DLG1: variants seen among roughly 807,000 people sequenced by gnomAD.
The protein encoded by DLG1 is discs large MAGUK scaffold protein 1.
DLG1 carries 42 observed loss-of-function variants against 123.4 expected under a neutral mutation model. The ratio of observed to expected loss-of-function variants is 0.34; its 90% CI spans 0.27 to 0.44. DLG1 has a LOEUF of 0.44. Among genes scored for constraint, DLG1 ranks in the 20% least tolerant of loss-of-function variants. The probability of loss-of-function intolerance (pLI) is 1.00; values close to 1 mark genes in which losing one functional copy is unlikely to be tolerated. For missense variants in DLG1, 942 were observed against 1,082.6 expected (o/e 0.87, Z 1.82); for synonymous variants, 317 against 356.2 (o/e 0.89, Z 1.24).
chr3:197,276,485 A>AAT (rs1175337585), intron 4 of DLG1, among the ~76,000 whole-genome samples: 1 of 152,178 alleles, frequency 6.6e-6, no homozygotes, highest in Admixed American at 6.5e-5. Flanking sequence ...CTGTCAATGT[A>AAT]ATTTGCATTT....
chr3:197,050,373 A>C lies in DLG1; in HGVS notation c.2575+1204T>G, dbSNP rs538409246. On this transcript the variant is annotated intron_variant, in intron 24 of 24. Coordinates refer to ENST00000667157, the MANE Select transcript of DLG1 (RefSeq NM_001366207.1). The stretch of plus-strand genomic sequence containing the variant: ...CAGAGCCAGACTCCATTTCAAAAAA[A>C]AACAACAACAAAAAAAACCCCCAAA... Among the ~76,000 whole-genome samples the C allele has an allele frequency of 9.9e-4, 151 of 152,078 alleles. 1 individual carries two copies. Among genetic ancestry groups the C allele is most frequent in the African/African-American group, 1.4e-3 (57 of 41,510 alleles).
intron 5 of DLG1, among the ~76,000 whole-genome samples, chr3:197,152,240 T>C (rs528467004): frequency 1.8e-4 from 28 of 152,152 alleles, no homozygotes; most frequent in African/African-American, 6.5e-4. Flanking sequence ...GAGGGAGGTA[T>C]AGAGAGACCT....
chr3:197,144,516 T>C (rs1019307217), intron 6 of DLG1, among the ~76,000 whole-genome samples: 5 of 152,226 alleles, frequency 3.3e-5, no homozygotes, highest in African/African-American at 4.8e-5. Context: ...AAATGAACTG[T>C]TGTTCTTTTA....
chr3:197,267,016 C>T (rs542983716), intron 4 of DLG1, among the ~76,000 whole-genome samples: 2 of 152,262 alleles, frequency 1.3e-5, no homozygotes, highest in Admixed American at 6.5e-5. Context: ...ATAAACAGTA[C>T]ATGTGAGTGA....
chr3:197,235,927 C>T (rs1745721794), intron 4 of DLG1, among the ~76,000 whole-genome samples: 1 of 152,084 alleles, frequency 6.6e-6, no homozygotes, highest in South Asian at 2.1e-4. Context: ...AGAAATGGAA[C>T]CAATAAAAAC....
chr3:197,236,376 A>G (rs941395345), intron 4 of DLG1, among the ~76,000 whole-genome samples: 2 of 152,192 alleles, frequency 1.3e-5, no homozygotes, highest in Non-Finnish European at 2.9e-5. Context: ...GAGAGAATTC[A>G]TCACCAGAAG....
chr3:197,131,923 TTC>T (rs1407627522), intron 10 of DLG1, among the ~76,000 whole-genome samples: 1 of 152,164 alleles, frequency 6.6e-6, no homozygotes, highest in East Asian at 1.9e-4. Context: ...GATTTTCTTT[TTC>T]TTTTTCTTTT....
intron 2 of DLG1, 97 bp from the exon 3 acceptor site, chr3:197,296,574 C>A (rs3852013): frequency 0.12 from 133,259 of 1,125,904 alleles, 8,942 homozygotes; most frequent in Non-Finnish European, 0.14. Context: ...TAAATAGTTC[C>A]GCAAATCCTT....
chr3:197,044,765 A>T, intron 24 of DLG1, 36 bp from the exon 25 acceptor site: 1 of 1,337,272 alleles, frequency 7.5e-7, no homozygotes, highest in Non-Finnish European at 1.0e-6. Flanking sequence ...AATCTCCATT[A>T]ATTGTCTATT....
intron 4 of DLG1, among the ~76,000 whole-genome samples, chr3:197,213,484 T>C (rs925678595): frequency 9.2e-5 from 14 of 152,174 alleles, no homozygotes; most frequent in Admixed American, 1.3e-4. Flanking sequence ...ATGGAAATGG[T>C]TTCACAGGGG....
intron 4 of DLG1, among the ~76,000 whole-genome samples, chr3:197,268,302 T>C (rs1762526127): frequency 6.6e-6 from 1 of 152,242 alleles, no homozygotes; most frequent in Non-Finnish European, 1.5e-5. Flanking sequence ...CAATGTGACA[T>C]ACTTAAGCTT....
chr3:197,220,235 A>G (rs79991926), intron 4 of DLG1, among the ~76,000 whole-genome samples: 6,433 of 152,310 alleles, frequency 0.042, 181 homozygotes, highest in Non-Finnish European at 0.063. Context: ...AGAAAGACAC[A>G]TACCCTATTT....
intron 11 of DLG1, among the ~76,000 whole-genome samples, chr3:197,127,461 TATATATATA>T (rs1780179619): frequency 6.6e-5 from 1 of 15,038 alleles, no homozygotes. Flanking sequence ...AAAAAAAATA[TATATATATA>T]TATATATATA....
intron 5 of DLG1, among the ~76,000 whole-genome samples, chr3:197,150,931 TA>T (rs1396292024): frequency 2.0e-5 from 3 of 151,974 alleles, no homozygotes; most frequent in Non-Finnish European, 4.4e-5. Context: ...TCATTATATA[TA>T]AAAATAAAAT....
At chr3:197,194,120 T>C (rs1387844465) in intron 5 of DLG1, among the ~76,000 whole-genome samples, 1 of 152,182 alleles carries the variant, frequency 6.6e-6, no homozygotes, top group Admixed American at 6.5e-5. Context: ...CCAACTAATA[T>C]TTAAAAACAA....
rs1461669803 is a variant in DLG1 at position 197,140,202 on chromosome 3, G to T, written c.651C>A (p.Asp217Glu). The T allele has an allele frequency of 6.2e-7, 1 of 1,613,500 alleles. No homozygotes were observed. Residue 217 changes from aspartate to glutamate, a missense_variant, in exon 8 of 25, where the codon GAC (aspartate) becomes GAA (glutamate). Transcript: ENST00000667157. ...GGTDNPHIGD[D>E]SSIFITKIIT... ...TAATTTTGGTAATGAAAATACTTGA[G>T]TCATCTCCAATGTGTGGGTTGTCCG...
chr3:197,160,648 G>C (rs1376764119), intron 5 of DLG1, among the ~76,000 whole-genome samples: 1 of 152,088 alleles, frequency 6.6e-6, no homozygotes, highest in East Asian at 1.9e-4. Flanking sequence ...TGAAGTCATT[G>C]TAACACTGTA....
rs189869247 is a variant in DLG1 at position 197,089,718 on chromosome 3, G to A, written c.1661+1194C>T. ...TACTAAAATTAGGAAATGTAGATAA[G>A]CAAAAAAAAAGAAAGTGTAAAAAAG... On this transcript the variant is annotated intron_variant, in intron 15 of 24. Coordinates refer to ENST00000667157, the MANE Select transcript of DLG1 (RefSeq NM_001366207.1). 2.9e-3 allele frequency among the ~76,000 whole-genome samples: 429 copies of A among 146,546 alleles called. 3 individuals are homozygous for A. Among genetic ancestry groups the A allele is most frequent in the Non-Finnish European group, 3.7e-3 (244 of 66,012 alleles).
At chr3:197,159,028 T>C (rs1265424255) in intron 5 of DLG1, among the ~76,000 whole-genome samples, 1 of 152,158 alleles carries the variant, frequency 6.6e-6, no homozygotes, top group African/African-American at 2.4e-5. Flanking sequence ...TAAGAAGAAC[T>C]AGTAACTGTC....
Sources: allele counts gnomAD v4.1 joint callset (sites outside exome capture counted in the v4.1 genomes callset), GRCh38; gene constraint gnomAD v4.1.1; transcripts MANE v1.5; gene names NCBI Gene and HGNC (gene_info 2026-07-23, HGNC 2026-07-21).